PDE6C: variants seen among roughly 807,000 people sequenced by gnomAD.
The protein encoded by PDE6C is cone cGMP-specific 3',5'-cyclic phosphodiesterase subunit alpha'.
PDE6C carries 75 observed loss-of-function variants against 113.1 expected under a neutral mutation model. The observed-to-expected ratio is 0.66, with a 90% CI of 0.55 to 0.80. PDE6C has a LOEUF of 0.80. Ranked by LOEUF, PDE6C falls within the 30% of genes least tolerant of loss-of-function variation. The pLI is 0.00. For missense variants in PDE6C, 912 were observed against 1,038.6 expected (o/e 0.88, Z 1.67); for synonymous variants, 375 against 363.7 (o/e 1.03, Z -0.35).
At chr10:93,620,589 T>C in intron 1 of PDE6C, 43 bp from the exon 2 acceptor site, 1 of 1,605,282 alleles carries the variant, frequency 6.2e-7, no homozygotes, top group South Asian at 1.1e-5. Context: ...TACCACTCTA[T>C]GATTTTGTGC....
chr10:93,616,064 T>C (rs1264221463), intron 1 of PDE6C, among the ~76,000 whole-genome samples: 2 of 152,220 alleles, frequency 1.3e-5, no homozygotes, highest in African/African-American at 4.8e-5. Context: ...AAATGAAATA[T>C]CTGATTAATT....
At chr10:93,617,792 A>G (rs2058426750) in intron 1 of PDE6C, among the ~76,000 whole-genome samples, 1 of 152,152 alleles carries the variant, frequency 6.6e-6, no homozygotes, top group Non-Finnish European at 1.5e-5. Flanking sequence ...AGAAAGAAAG[A>G]AGTCCTGGCT....
chr10:93,632,688 G>A (rs1242161659), intron 8 of PDE6C, among the ~76,000 whole-genome samples: 7 of 152,184 alleles, frequency 4.6e-5, no homozygotes, highest in Admixed American at 1.3e-4. Flanking sequence ...TCCTTGGTTC[G>A]TATGATGGTG....
intron 16 of PDE6C, among the ~76,000 whole-genome samples, chr10:93,656,914 GAAT>G: frequency 6.6e-6 from 1 of 152,064 alleles, no homozygotes; most frequent in East Asian, 1.9e-4. Context: ...CAAATACTAA[GAAT>G]AATAAAATGG....
chr10:93,639,914 CA>C (rs1269932522), intron 11 of PDE6C, among the ~76,000 whole-genome samples, 155 bp from the exon 12 acceptor site: 1 of 152,088 alleles, frequency 6.6e-6, no homozygotes, highest in Non-Finnish European at 1.5e-5. Context: ...ATAATCTGTG[CA>C]AACTGCATCA....
intron 15 of PDE6C, among the ~76,000 whole-genome samples, chr10:93,650,396 GTC>G (rs2058604508): frequency 6.6e-6 from 1 of 152,042 alleles, no homozygotes; most frequent in African/African-American, 2.4e-5. Flanking sequence ...ACAGACATGA[GTC>G]TCTATACCTG....
intron 1 of PDE6C, among the ~76,000 whole-genome samples, 175 bp from the exon 2 acceptor site, chr10:93,620,457 C>T (rs2058439908): frequency 6.6e-6 from 1 of 152,160 alleles, no homozygotes; most frequent in Non-Finnish European, 1.5e-5. Flanking sequence ...CAATTCCATT[C>T]TATGCAGTCA....
chr10:93,640,892 G>A (rs771887749), intron 13 of PDE6C, 28 bp from the exon 14 acceptor site: 2 of 1,322,284 alleles, frequency 1.5e-6, no homozygotes, highest in African/African-American at 1.5e-5. Context: ...ATAAATTATA[G>A]ATATGCATAT....
chr10:93,663,227 C>T, intron 21 of PDE6C, 49 bp downstream of exon 21: 1 of 1,580,618 alleles, frequency 6.3e-7, no homozygotes, highest in Non-Finnish European at 8.7e-7. Context: ...AGAAGCTAGG[C>T]TGAGCTTAAT....
In PDE6C at chr10:93,639,368, A is replaced by G. The variant is rs57078390; in HGVS notation, c.1483-702A>G. ...GTTAAGTTCCTTAAGGGCAAGATACATATTTTTATTTCTCAAGTCGCACCA... is the reference window on the plus strand; with the variant it reads ...GTTAAGTTCCTTAAGGGCAAGATACGTATTTTTATTTCTCAAGTCGCACCA... On this transcript the variant is annotated intron_variant, in intron 11 of 21. Transcript: ENST00000371447. Among the ~76,000 whole-genome samples the G allele has an allele frequency of 9.2e-3, 1,405 of 152,342 alleles. 28 individuals are homozygous for G. Among genetic ancestry groups the G allele is most frequent in the African/African-American group, 0.032 (1,314 of 41,574 alleles).
At chr10:93,651,333 A>G (rs2058608972) in intron 15 of PDE6C, among the ~76,000 whole-genome samples, 1 of 152,214 alleles carries the variant, frequency 6.6e-6, no homozygotes, top group East Asian at 1.9e-4. Context: ...CTGGGTAATT[A>G]TAAAGAAAAG....
At chr10:93,651,089 A>G (rs2133872517) in intron 15 of PDE6C, among the ~76,000 whole-genome samples, 1 of 152,204 alleles carries the variant, frequency 6.6e-6, no homozygotes, top group Middle Eastern at 3.4e-3. Context: ...CGCTCTATGG[A>G]TTATTTTATG....
At chr10:93,662,172 T>C in intron 19 of PDE6C, 39 bp downstream of exon 19, 1 of 1,367,900 alleles carries the variant, frequency 7.3e-7, no homozygotes, top group East Asian at 2.3e-5. Flanking sequence ...TTATTAAAAG[T>C]TATCAGGACA....
intron 11 of PDE6C, 151 bp from the exon 12 acceptor site, chr10:93,639,919 T>C: frequency 1.3e-6 from 1 of 790,350 alleles, no homozygotes; most frequent in Non-Finnish European, 2.2e-6. Context: ...CTGTGCAAAC[T>C]GCATCATCCA....
At chr10:93,625,529 T>A (rs775065186) in intron 4 of PDE6C, 46 bp from the exon 5 acceptor site, 1 of 1,207,520 alleles carries the variant, frequency 8.3e-7, no homozygotes, top group Non-Finnish European at 1.2e-6. Context: ...ATATGGTAGG[T>A]CATGGAACAG....
At position 93,613,048 on chromosome 10, in the gene PDE6C, C is replaced by T. The variant is rs779065446; in HGVS notation, c.323C>T (p.Pro108Leu). 3.7e-6 allele frequency: 6 copies of T among 1,614,084 alleles called. No individual in the cohort carries two copies. Among genetic ancestry groups the T allele is most frequent in the Non-Finnish European group, 4.2e-6 (5 of 1,180,056 alleles). The change falls in exon 1 of 22, where the codon CCT (proline) becomes CTT (leucine). Residue 108 changes from proline (P) to leucine (L), a missense_variant. Coordinates refer to ENST00000371447, the MANE Select transcript of PDE6C (RefSeq NM_006204.4). ...CTGTGCCGGTCCCGGAACGGCATACCTGAGGTGGCCTCTAGGTTGCTGGAT... is the reference window on the plus strand; with the variant it reads ...CTGTGCCGGTCCCGGAACGGCATACTTGAGGTGGCCTCTAGGTTGCTGGAT... ...MFLCRSRNGI[P>L]EVASRLLDVT... is the part of the protein sequence containing the mutation.
At chr10:93,650,334 C>T (rs2058604012) in intron 15 of PDE6C, among the ~76,000 whole-genome samples, 1 of 152,154 alleles carries the variant, frequency 6.6e-6, no homozygotes, top group Non-Finnish European at 1.5e-5. Flanking sequence ...GCAGCCTCAA[C>T]CTCCTGGGCT....
At chr10:93,658,083 TC>T (rs1378316142) in intron 16 of PDE6C, among the ~76,000 whole-genome samples, 3 of 140,550 alleles carry the variant, frequency 2.1e-5, no homozygotes, top group Non-Finnish European at 4.5e-5. Context: ...AGTGGGAGGA[TC>T]CCTTAAGCCT....
chr10:93,657,493 T>C (rs2058644391), intron 16 of PDE6C, among the ~76,000 whole-genome samples: 1 of 152,010 alleles, frequency 6.6e-6, no homozygotes, highest in Non-Finnish European at 1.5e-5. Context: ...CTGTTGTGTG[T>C]TTTCAAATTG....
Sources: gnomAD v4.1 joint callset for allele counts (sites outside exome capture counted in the v4.1 genomes callset) on GRCh38, gnomAD v4.1.1 for gene constraint, MANE v1.5 for transcripts, NCBI Gene and HGNC (gene_info 2026-07-23, HGNC 2026-07-21) for gene names.